UHRF2: variants seen among roughly 807,000 people sequenced by gnomAD.
The protein encoded by UHRF2 is E3 ubiquitin-protein ligase UHRF2.
Under a neutral mutation model 96.8 loss-of-function variants are expected in UHRF2, and 23 were observed. The ratio of observed to expected loss-of-function variants is 0.24; its 90% CI spans 0.17 to 0.34. UHRF2 has a LOEUF of 0.34. Among genes scored for constraint, UHRF2 ranks in the 10% least tolerant of loss-of-function variants. The probability of loss-of-function intolerance (pLI) is 1.00; values close to 1 mark genes in which losing one functional copy is unlikely to be tolerated. For synonymous variants in UHRF2, 385 were observed against 332.6 expected, an observed-to-expected ratio of 1.16 and a Z score of -1.72; for missense variants, 685 against 981.5, an observed-to-expected ratio of 0.70 and a Z score of 4.04.
rs544657153 is a variant in UHRF2, at chr9:6,476,605, T to C, written c.974-1017T>C. 2.0e-5 allele frequency among the ~76,000 whole-genome samples: 3 copies of C among 152,250 alleles called. No homozygotes were observed. The East Asian group carries it at 5.8e-4, about 29-fold the overall frequency. On this transcript the variant is annotated intron_variant, in intron 5 of 15. Transcript: ENST00000276893. ...GGGCTTTTTTTGTTTGTTTTTTGTT[T>C]TTTGTTTTGAGACAGTTTTGCTCTT...
intron 3 of UHRF2, among the ~76,000 whole-genome samples, chr9:6,434,840 TG>T (rs1820747626): frequency 6.6e-6 from 1 of 152,056 alleles, no homozygotes; most frequent in Admixed American, 6.6e-5. Context: ...GTGTATGTTT[TG>T]GGGGGTGGGG....
chr9:6,433,999 G>C lies in UHRF2; in HGVS notation c.470G>C (p.Gly157Ala). 2 of 1,614,084 alleles carry C rather than the reference G, an allele frequency of 1.2e-6. No individual in the cohort carries two copies. The highest frequency in any genetic ancestry group is 1.7e-6 in the Non-Finnish European group (2 of 1,180,016). ...CATAGTGTTACTAGAGCTTCTGATGGACAGTCACGTGGCAAAACTCCACTG... is the reference window on the plus strand; with the variant it reads ...CATAGTGTTACTAGAGCTTCTGATGCACAGTCACGTGGCAAAACTCCACTG... ...HIHSVTRASD[G>A]QSRGKTPLKN... Residue 157 changes from glycine to alanine, a missense_variant, in exon 3 of 16, where the codon GGA (glycine) becomes GCA (alanine). Transcript: ENST00000276893.
intron 3 of UHRF2, 67 bp downstream of exon 3, chr9:6,434,240 C>G: frequency 6.7e-7 from 1 of 1,492,034 alleles, no homozygotes; most frequent in Non-Finnish European, 9.0e-7. Flanking sequence ...CCTTCTATTT[C>G]AAGATTATTT....
intron 5 of UHRF2, among the ~76,000 whole-genome samples, chr9:6,476,024 A>G (rs1823548761): frequency 6.6e-6 from 1 of 152,046 alleles, no homozygotes; most frequent in Non-Finnish European, 1.5e-5. Flanking sequence ...ACCCTTCTTT[A>G]TCCCCTGTCC....
In UHRF2 at chr9:6,477,820, A is replaced by G. The variant is rs774356990; in HGVS notation, c.1160+12A>G. 1.9e-6 allele frequency: 3 copies of G among 1,573,040 alleles called. No individual in the cohort carries two copies. The highest frequency in any genetic ancestry group is 2.6e-6 in the Non-Finnish European group (3 of 1,154,572). ...GAAGAGGAATACTGGTATGATTATC[A>G]GGTTTTTGTTGTTGTTGTTCTTGCT... On this transcript the variant is annotated intron_variant, in intron 6 of 15. Transcript: ENST00000276893.
chr9:6,413,827 TC>T, intron 1 of UHRF2, 184 bp downstream of exon 1: 1 of 686,602 alleles, frequency 1.5e-6, no homozygotes, highest in Non-Finnish European at 2.1e-6. Context: ...GGGGAGTGGG[TC>T]CCTGCCAGCC....
At chr9:6,493,088 G>A (rs528010692) in intron 9 of UHRF2, among the ~76,000 whole-genome samples, 16 of 152,116 alleles carry the variant, frequency 1.1e-4, no homozygotes, top group African/African-American at 2.9e-4. Flanking sequence ...ACTTGAGACC[G>A]GGAGTTGGAG....
intron 14 of UHRF2, among the ~76,000 whole-genome samples, chr9:6,503,467 G>A (rs986943492): frequency 5.3e-5 from 8 of 151,792 alleles, no homozygotes; most frequent in Non-Finnish European, 8.8e-5. Flanking sequence ...AGAATACAGG[G>A]TATCCATTTG....
chr9:6,460,751 T>C lies in UHRF2; in HGVS notation c.823T>C (p.Ser275Pro). ...AGAAATTACCACATTGAAGACAATC[T>C]CAAGGACCAAAAAAGAACTTCGTGT... The part of the protein sequence containing the change: ...DAEITTLKTI[S>P]RTKKELRVKI... Residue 275 changes from serine (S) to proline (P), a missense_variant, in exon 4 of 16, where the codon TCA becomes CCA. Coordinates refer to ENST00000276893, the MANE Select transcript of UHRF2 (RefSeq NM_152896.3). 1 of 1,613,606 alleles carries C rather than the reference T, an allele frequency of 6.2e-7. No homozygotes were observed. The highest frequency in any genetic ancestry group is 8.5e-7 in the Non-Finnish European group (1 of 1,179,874).
At chr9:6,476,401 C>T (rs1403120143) in intron 5 of UHRF2, among the ~76,000 whole-genome samples, 1 of 152,018 alleles carries the variant, frequency 6.6e-6, no homozygotes, top group Admixed American at 6.6e-5. Context: ...ACGAGTAAAG[C>T]CTTAGAATTA....
At chr9:6,465,323 G>A (rs1010837561) in intron 4 of UHRF2, among the ~76,000 whole-genome samples, 1 of 152,132 alleles carries the variant, frequency 6.6e-6, no homozygotes, top group Admixed American at 6.5e-5. Flanking sequence ...ACGGATTTAT[G>A]CTAGTTTCAC....
rs1388723869 is a variant in UHRF2 at position 6,413,260 on chromosome 9, G to A, written c.-231G>A. ...TTCCTATCTTTGAGGCGGTGTCTGCGGCAGCGCCTCAGAGTGGTTCCGGTC... is the reference window on the plus strand; with the variant it reads ...TTCCTATCTTTGAGGCGGTGTCTGCAGCAGCGCCTCAGAGTGGTTCCGGTC... On this transcript the variant is annotated 5_prime_UTR_variant, in exon 1 of 16. Coordinates refer to ENST00000276893, the MANE Select transcript of UHRF2 (RefSeq NM_152896.3). 9.9e-6 allele frequency: 2 copies of A among 202,842 alleles called. No homozygotes were observed. Among genetic ancestry groups the A allele is most frequent in the Non-Finnish European group, 1.9e-5 (2 of 103,010 alleles). The allele number at this position is 202,842 out of a possible 1,614,324, so 12.6% of individuals were successfully genotyped here.
chr9:6,481,807 T>C (rs1823944442), intron 7 of UHRF2, 41 bp downstream of exon 7: 3 of 1,593,302 alleles, frequency 1.9e-6, no homozygotes, highest in Non-Finnish European at 1.7e-6. Context: ...TAGCAAGTTA[T>C]AATATATAAT....
chr9:6,459,744 C>A (rs745633105), intron 3 of UHRF2, among the ~76,000 whole-genome samples: 3 of 152,166 alleles, frequency 2.0e-5, no homozygotes, highest in Non-Finnish European at 2.9e-5. Context: ...GAGTCCAAGG[C>A]AGGGGGTTGC....
At chr9:6,458,135 T>G (rs1822298019) in intron 3 of UHRF2, among the ~76,000 whole-genome samples, 1 of 152,214 alleles carries the variant, frequency 6.6e-6, no homozygotes, top group Non-Finnish European at 1.5e-5. Flanking sequence ...ATCCGTCTAG[T>G]CCTAGGCTTT....
At chr9:6,448,228 A>T (rs1477967986) in intron 3 of UHRF2, among the ~76,000 whole-genome samples, 1 of 152,258 alleles carries the variant, frequency 6.6e-6, no homozygotes, top group Non-Finnish European at 1.5e-5. Flanking sequence ...AGGAATGTAG[A>T]TAAATTAATG....
intron 1 of UHRF2, among the ~76,000 whole-genome samples, chr9:6,417,615 G>A (rs577395343): frequency 6.6e-6 from 1 of 152,260 alleles, no homozygotes; most frequent in South Asian, 2.1e-4. Flanking sequence ...GTAGATAAAT[G>A]GTCACTATTG....
In UHRF2 at chr9:6,434,012, C is replaced by T; in HGVS notation, c.483C>T (p.Gly161=). 6.2e-7 allele frequency: 1 copy of T among 1,613,984 alleles called. No homozygotes were observed. Among genetic ancestry groups the T allele is most frequent in the Non-Finnish European group, 8.5e-7 (1 of 1,180,008 alleles). ...VTRASDGQSR[G]KTPLKNGSSC... ...GAGCTTCTGATGGACAGTCACGTGG[C>T]AAAACTCCACTGAAGAATGGCAGTT... The change falls in exon 3 of 16, where the codon GGC becomes GGT. Residue 161 remains glycine (G), a synonymous_variant. Coordinates refer to ENST00000276893, the MANE Select transcript of UHRF2 (RefSeq NM_152896.3).
chr9:6,476,237 T>C (rs1464959693), intron 5 of UHRF2, among the ~76,000 whole-genome samples: 1 of 152,236 alleles, frequency 6.6e-6, no homozygotes, highest in Non-Finnish European at 1.5e-5. Context: ...CAGAATAATA[T>C]TTTATTGTAT....
Sources: gnomAD v4.1 joint callset for allele counts (sites outside exome capture counted in the v4.1 genomes callset) on GRCh38, gnomAD v4.1.1 for gene constraint, MANE v1.5 for transcripts, NCBI Gene and HGNC (gene_info 2026-07-23, HGNC 2026-07-21) for gene names.